The following PCLO variants were observed in gnomAD, a reference collection of about 807,000 sequenced individuals.
PCLO encodes the protein piccolo presynaptic cytomatrix protein.
A neutral mutation model predicts 427.5 loss-of-function variants in PCLO; 82 were observed. That is an observed-to-expected ratio of 0.19 (90% CI 0.16 to 0.23). The LOEUF is 0.23. Ranked by LOEUF, PCLO falls within the 10% of genes least tolerant of loss-of-function variation. The probability of loss-of-function intolerance (pLI) is 1.00; values close to 1 mark genes in which losing one functional copy is unlikely to be tolerated. For synonymous variants in PCLO, 2,357 were observed against 2,155.4 expected, an observed-to-expected ratio of 1.09 and a Z score of -2.59; for missense variants, 6,239 against 6,115.9, an observed-to-expected ratio of 1.02 and a Z score of -0.67.
intron 16 of PCLO, 148 bp downstream of exon 16, chr7:82,835,519 G>T: frequency 3.3e-6 from 2 of 604,710 alleles, no homozygotes; most frequent in South Asian, 4.2e-5. Context: ...AGAACAATTT[G>T]TCGCAGTGCT....
chr7:83,080,528 G>T (rs1295289339), intron 3 of PCLO, among the ~76,000 whole-genome samples: 3 of 152,028 alleles, frequency 2.0e-5, no homozygotes, highest in African/African-American at 7.2e-5. Context: ...ATATTCAGGT[G>T]AACTCAAATC....
chr7:82,948,228 A>C (rs1323995932), intron 6 of PCLO, among the ~76,000 whole-genome samples: 1 of 151,876 alleles, frequency 6.6e-6, no homozygotes, highest in Non-Finnish European at 1.5e-5. Context: ...AGGTTTCCTG[A>C]TTCTACAGCT....
At position 82,841,525 on chromosome 7, in the gene PCLO, A is replaced by G. The variant is rs977777506; in HGVS notation, c.14047-16T>C. 3 of 1,375,778 alleles carry G rather than the reference A, an allele frequency of 2.2e-6. No individual in the cohort carries two copies. The highest frequency in any genetic ancestry group is 2.3e-5 in the East Asian group (1 of 43,334). The allele number at this position is 1,375,778 out of a possible 1,614,324, so 85.2% of individuals were successfully genotyped here. ...CATCGGTAGGCTGTAATATTAAAGA[A>G]CATATATTACATTAATAGATACATT... On this transcript the variant is annotated splice_polypyrimidine_tract_variant and intron_variant, in intron 13 of 24. Transcript: ENST00000333891.
At chr7:82,894,892 T>A (rs1032886660) in intron 9 of PCLO, among the ~76,000 whole-genome samples, 1 of 151,990 alleles carries the variant, frequency 6.6e-6, no homozygotes, top group Admixed American at 6.6e-5. Context: ...GAAGGCTGAG[T>A]GCATGTTTGG....
Position 83,135,552 on chromosome 7 carries a change from A to C in PCLO, c.1998T>G (p.Val666=). ...ATTTGCTCACTGCTGATGTAGTGGT[A>C]ACAGGTGCAGTCTTCAGTTTGGGCT... ...SPQPKLKTAP[V]TTTSAVSKSS... is the part of the protein sequence containing the mutation. Residue 666 remains valine (V), a synonymous_variant, in exon 3 of 25, where the codon GTT becomes GTG. Coordinates refer to ENST00000333891, the MANE Select transcript of PCLO (RefSeq NM_033026.6). 6.2e-7 allele frequency: 1 copy of C among 1,613,640 alleles called. No individual in the cohort carries two copies. The highest frequency in any genetic ancestry group is 8.5e-7 in the Non-Finnish European group (1 of 1,179,742).
At chr7:82,845,904 C>T (rs1190715868) in intron 12 of PCLO, among the ~76,000 whole-genome samples, 3 of 151,938 alleles carry the variant, frequency 2.0e-5, no homozygotes, top group Admixed American at 2.0e-4. Context: ...TTTATATTTA[C>T]AAATGTATTA....
intron 3 of PCLO, among the ~76,000 whole-genome samples, chr7:83,023,716 G>A (rs117637810): frequency 0.023 from 3,430 of 152,244 alleles, 77 homozygotes; most frequent in Non-Finnish European, 0.032. Context: ...GAAAGCTTAC[G>A]ATTGTTTCAG....
chr7:83,046,999 A>G (rs908861871), intron 3 of PCLO, among the ~76,000 whole-genome samples: 1 of 152,078 alleles, frequency 6.6e-6, no homozygotes, highest in African/African-American at 2.4e-5. Flanking sequence ...CCAGCTAGGT[A>G]TAGTATCTTA....
At chr7:82,946,474 G>C (rs1471529577) in intron 6 of PCLO, among the ~76,000 whole-genome samples, 1 of 152,118 alleles carries the variant, frequency 6.6e-6, no homozygotes, top group Non-Finnish European at 1.5e-5. Context: ...GGCAGAAATA[G>C]AGATTTATAG....
chr7:82,797,982 A>G (rs1024969182), intron 22 of PCLO, among the ~76,000 whole-genome samples: 3 of 152,146 alleles, frequency 2.0e-5, no homozygotes, highest in Admixed American at 2.0e-4. Flanking sequence ...ATACTCAATG[A>G]CATTCTCAAC....
chr7:83,008,200 T>G (rs1583901195), intron 3 of PCLO, among the ~76,000 whole-genome samples: 1 of 151,820 alleles, frequency 6.6e-6, no homozygotes, highest in East Asian at 1.9e-4. Flanking sequence ...AAAGATTGTA[T>G]ATTAGCAATT....
chr7:82,807,291 A>C (rs1791475371), intron 20 of PCLO, among the ~76,000 whole-genome samples: 1 of 152,172 alleles, frequency 6.6e-6, no homozygotes, highest in Admixed American at 6.6e-5. Flanking sequence ...GATGTGTTCA[A>C]ACCTACAGTT....
chr7:83,035,496 A>G (rs962680400), intron 3 of PCLO, among the ~76,000 whole-genome samples: 5 of 152,158 alleles, frequency 3.3e-5, no homozygotes, highest in African/African-American at 7.2e-5. Flanking sequence ...TAAAAAAAAG[A>G]TAATTCCTAA....
chr7:82,758,438 T>C lies in PCLO; in HGVS notation c.*137A>G, dbSNP rs1455069989. 3.2e-6 allele frequency: 2 copies of C among 625,402 alleles called. No individual in the cohort carries two copies. The highest frequency in any genetic ancestry group is 2.7e-6 in the Non-Finnish European group (1 of 369,112). The allele number at this position is 625,402 out of a possible 1,614,324, so 38.7% of individuals were successfully genotyped here. A position where few individuals can be genotyped will look rare whatever the true frequency, so the allele number is the denominator to read the frequency against. On this transcript the variant is annotated 3_prime_UTR_variant, in exon 25 of 25. Coordinates refer to ENST00000333891, the MANE Select transcript of PCLO (RefSeq NM_033026.6). The stretch of plus-strand genomic sequence containing the variant: ...GATCCACAACAATAAATGTACAAGG[T>C]CTTAAGTATGTTTTTGCTTGTTGTT...
intron 22 of PCLO, among the ~76,000 whole-genome samples, chr7:82,790,152 C>A (rs868830266): frequency 6.6e-6 from 1 of 152,048 alleles, no homozygotes; most frequent in African/African-American, 2.4e-5. Context: ...ATTGAATTGC[C>A]TCCAAACGAG....
At chr7:82,946,305 C>G (rs1795199876) in intron 6 of PCLO, among the ~76,000 whole-genome samples, 1 of 152,038 alleles carries the variant, frequency 6.6e-6, no homozygotes, top group Non-Finnish European at 1.5e-5. Context: ...TGTTGAGCAC[C>G]TACTTCATGC....
intron 6 of PCLO, among the ~76,000 whole-genome samples, chr7:82,928,105 AAT>A (rs1794755852): frequency 6.6e-6 from 1 of 152,186 alleles, no homozygotes; most frequent in Admixed American, 6.5e-5. Flanking sequence ...CATGCTAACC[AAT>A]TTAAAAACAT....
chr7:82,912,100 C>G (rs1794336978), intron 7 of PCLO, among the ~76,000 whole-genome samples: 1 of 151,998 alleles, frequency 6.6e-6, no homozygotes, highest in Non-Finnish European at 1.5e-5. Context: ...AAGCACACAA[C>G]AAATAATTTG....
At chr7:82,996,896 G>A (rs1787631204) in intron 3 of PCLO, among the ~76,000 whole-genome samples, 1 of 151,856 alleles carries the variant, frequency 6.6e-6, no homozygotes, top group Admixed American at 6.6e-5. Flanking sequence ...GTTTTATCTG[G>A]TGTTTAGTGG....
Sources: gnomAD v4.1 joint callset for allele counts (sites outside exome capture counted in the v4.1 genomes callset) on GRCh38, gnomAD v4.1.1 for gene constraint, MANE v1.5 for transcripts, NCBI Gene and HGNC (gene_info 2026-07-23, HGNC 2026-07-21) for gene names.